UNC13C: variants seen among roughly 807,000 people sequenced by gnomAD.
The protein encoded by UNC13C is unc-13 homolog C.
Under a neutral mutation model 245.4 loss-of-function variants are expected in UNC13C, and 174 were observed. The observed-to-expected ratio is 0.71, with a 90% CI of 0.63 to 0.80. UNC13C has a LOEUF of 0.80. Among genes scored for constraint, UNC13C ranks in the 30% least tolerant of loss-of-function variants. UNC13C has a pLI of 0.00. For missense variants in UNC13C, 2,829 were observed against 2,602.9 expected, an observed-to-expected ratio of 1.09 and a Z score of -1.89; for synonymous variants, 992 against 895.1, an observed-to-expected ratio of 1.11 and a Z score of -1.93.
In UNC13C at chr15:54,004,549, T is replaced by C. The variant is rs1466432120; in HGVS notation, c.-256-8099T>C. Among the ~76,000 whole-genome samples the C allele has an allele frequency of 2.6e-5, 4 of 152,358 alleles. No individual in the cohort carries two copies. The South Asian group carries it at 6.2e-4, about 24-fold the overall frequency. On this transcript the variant is annotated intron_variant, in intron 1 of 32. Transcript: ENST00000260323. ...CCAACAGCAGGATTGCAGGATCATA[T>C]GGTAGCTCTATTTTTAGTTTTTTGA...
At chr15:54,217,120 A>T (rs895065298) in intron 4 of UNC13C, among the ~76,000 whole-genome samples, 2 of 152,010 alleles carry the variant, frequency 1.3e-5, no homozygotes, top group African/African-American at 4.8e-5. Flanking sequence ...TTATTCTTTG[A>T]AGTTTATTTC....
intron 29 of UNC13C, among the ~76,000 whole-genome samples, chr15:54,560,711 A>G (rs534047240): frequency 2.6e-5 from 4 of 152,088 alleles, no homozygotes; most frequent in South Asian, 2.1e-4. Context: ...TGGAAACTAC[A>G]TGGGAAATTA....
At chr15:54,583,496 C>T (rs1898303761) in intron 30 of UNC13C, among the ~76,000 whole-genome samples, 1 of 152,270 alleles carries the variant, frequency 6.6e-6, no homozygotes, top group South Asian at 2.1e-4. Context: ...ATTTAAATGA[C>T]ATTGCCATTT....
intron 17 of UNC13C, among the ~76,000 whole-genome samples, chr15:54,373,215 CCTTTAG>C (rs1194790041): frequency 2.6e-5 from 4 of 152,170 alleles, no homozygotes; most frequent in Admixed American, 1.3e-4. Context: ...TATCTGTGAG[CCTTTAG>C]CAGCCAATAT....
chr15:53,908,214 A>G, the UNC13C span, among the ~76,000 whole-genome samples: 5 of 146,456 alleles, frequency 3.4e-5, 1 homozygote, highest in African/African-American at 1.2e-4. Context: ...TTATCATTTA[A>G]TGGGTGCTCC....
rs367640829 is a variant in UNC13C, at chr15:54,485,646, G to A, written c.4934-8962G>A. Among the ~76,000 whole-genome samples, 8 of 152,294 alleles carry A rather than the reference G, an allele frequency of 5.3e-5. 1 individual carries two copies. The highest frequency in any genetic ancestry group is 1.9e-4 in the East Asian group (1 of 5,182). ...TATTCCATAACTCTTAGAGGAAAATGTCTCAGTCATGGGTTACAAGATCCT... is the reference window on the plus strand; with the variant it reads ...TATTCCATAACTCTTAGAGGAAAATATCTCAGTCATGGGTTACAAGATCCT... On this transcript the variant is annotated intron_variant, in intron 19 of 32. Transcript: ENST00000260323.
intron 30 of UNC13C, among the ~76,000 whole-genome samples, chr15:54,586,001 T>G (rs1382120500): frequency 1.3e-5 from 2 of 152,166 alleles, no homozygotes; most frequent in African/African-American, 4.8e-5. Context: ...TGGAGTAAGA[T>G]ACCTGCTGAA....
chr15:54,220,145 A>G (rs1487077117), intron 4 of UNC13C, among the ~76,000 whole-genome samples: 1 of 151,184 alleles, frequency 6.6e-6, no homozygotes, highest in Non-Finnish European at 1.5e-5. Context: ...ACACATGCAC[A>G]TGTATGTTTA....
At chr15:54,103,581 T>C (rs1312767884) in intron 2 of UNC13C, among the ~76,000 whole-genome samples, 1 of 152,212 alleles carries the variant, frequency 6.6e-6, no homozygotes, top group Non-Finnish European at 1.5e-5. Flanking sequence ...CTAAATTGTC[T>C]TAGCTGACTA....
At chr15:54,599,996 C>T (rs1305172758) in intron 30 of UNC13C, among the ~76,000 whole-genome samples, 1 of 151,994 alleles carries the variant, frequency 6.6e-6, no homozygotes, top group Admixed American at 6.6e-5. Flanking sequence ...GTTTTGAATA[C>T]TTTTGTTTTT....
chr15:54,497,990 C>T (rs946986864), intron 20 of UNC13C, among the ~76,000 whole-genome samples: 25 of 151,986 alleles, frequency 1.6e-4, no homozygotes, highest in African/African-American at 5.6e-4. Flanking sequence ...TACCAGACAA[C>T]AGGACTAAAT....
At chr15:54,259,928 G>C (rs1294518712) in intron 8 of UNC13C, among the ~76,000 whole-genome samples, 2 of 151,548 alleles carry the variant, frequency 1.3e-5, no homozygotes, top group Non-Finnish European at 1.5e-5. Flanking sequence ...ATTTATTCCT[G>C]TGGTTTTTTT....
At chr15:54,552,548 ATT>A (rs1896826062) in intron 28 of UNC13C, among the ~76,000 whole-genome samples, 1 of 80,666 alleles carries the variant, frequency 1.2e-5, no homozygotes, top group Non-Finnish European at 2.1e-5. Context: ...TATATATTAT[ATT>A]GTATATAATT....
chr15:53,859,748 A>G, the UNC13C span, among the ~76,000 whole-genome samples: 4 of 152,182 alleles, frequency 2.6e-5, no homozygotes, highest in Admixed American at 1.3e-4. Context: ...GCTGTTTCCC[A>G]GATCCTGCTT....
rs547616358 is a variant in UNC13C, at chr15:54,243,539, T to C, written c.3228+5849T>C. Among the ~76,000 whole-genome samples the C allele has an allele frequency of 2.9e-4, 44 of 152,322 alleles. 1 individual carries two copies. The South Asian group carries it at 9.1e-3, about 32-fold the overall frequency. ...CTGGGTCAAGTGGTATTTCTGCCTC[T>C]AGATCTTTGAGGAATCTGTCTTCTA... On this transcript the variant is annotated intron_variant, in intron 7 of 32. Transcript: ENST00000260323.
At chr15:54,187,577 C>G (rs2034036477) in intron 4 of UNC13C, among the ~76,000 whole-genome samples, 1 of 152,128 alleles carries the variant, frequency 6.6e-6, no homozygotes, top group South Asian at 2.1e-4. Context: ...TTTCTACCTC[C>G]CTTTGCATAG....
rs11852257 is a variant in UNC13C at position 54,455,558 on chromosome 15, C to G, written c.4934-39050C>G. 6.2e-3 allele frequency among the ~76,000 whole-genome samples: 908 copies of G among 147,184 alleles called. 5 individuals carry two copies. The highest frequency in any genetic ancestry group is 9.4e-3 in the Non-Finnish European group (633 of 67,148). On this transcript the variant is annotated intron_variant, in intron 19 of 32. Transcript: ENST00000260323. Reference sequence around the variant, plus strand: ...TTTTTTTTAATTATGGCCATTCTTGCAGGAGTAAGGTGGTACTGCACTGTG... The same window carrying G: ...TTTTTTTTAATTATGGCCATTCTTGGAGGAGTAAGGTGGTACTGCACTGTG...
At chr15:53,893,631 G>A in the UNC13C span, among the ~76,000 whole-genome samples, 48,396 of 152,082 alleles carry the variant, frequency 0.32, 8,123 homozygotes, top group Middle Eastern at 0.39. Context: ...GAACTTCCTG[G>A]CAGCTTTGTT....
chr15:54,387,316 G>A (rs1269338619), intron 17 of UNC13C, among the ~76,000 whole-genome samples: 2 of 152,074 alleles, frequency 1.3e-5, no homozygotes, highest in Non-Finnish European at 1.5e-5. Context: ...TCTAGAAAAG[G>A]GATGTGGATT....
Sources: gnomAD v4.1 joint callset for allele counts (sites outside exome capture counted in the v4.1 genomes callset) on GRCh38, gnomAD v4.1.1 for gene constraint, MANE v1.5 for transcripts, NCBI Gene and HGNC (gene_info 2026-07-23, HGNC 2026-07-21) for gene names.